Variants in NFIA observed in about 807,000 individuals in gnomAD.
NFIA encodes nuclear factor 1 A-type.
In NFIA, 8 loss-of-function variants were observed where a neutral mutation model predicts 62.8. The ratio of observed to expected loss-of-function variants is 0.13; its 90% CI spans 0.07 to 0.23. The LOEUF is 0.23. NFIA is among the 10% of genes least tolerant of loss of function. The pLI, the probability that NFIA is intolerant of heterozygous loss-of-function variation, is 1.00. For synonymous variants in NFIA, 235 were observed against 238.1 expected (o/e 0.99, Z 0.12); for missense variants, 410 against 642.1 (o/e 0.64, Z 3.91).
intron 10 of NFIA, among the ~76,000 whole-genome samples, chr1:61,442,918 GTCA>G (rs1215300878): frequency 6.6e-6 from 1 of 152,160 alleles, no homozygotes; most frequent in East Asian, 1.9e-4. Flanking sequence ...TCTGCAGAAC[GTCA>G]TCTAAATGGA....
At chr1:61,200,030 A>ACACATATATATG (rs1557631866) in intron 2 of NFIA, among the ~76,000 whole-genome samples, 1 of 42,886 alleles carries the variant, frequency 2.3e-5, no homozygotes, top group African/African-American at 1.1e-4. Context: ...ATATATATAT[A>ACACATATATATG]TATATATATA....
At chr1:61,449,767 T>A (rs1319611750) in intron 10 of NFIA, among the ~76,000 whole-genome samples, 1 of 152,238 alleles carries the variant, frequency 6.6e-6, no homozygotes, top group Non-Finnish European at 1.5e-5. Context: ...AAACAGACTT[T>A]CTTTAATTAA....
chr1:61,257,329 GTTTTTTTTTTTTT>G (rs67912567), intron 2 of NFIA, among the ~76,000 whole-genome samples: 1 of 54,696 alleles, frequency 1.8e-5, no homozygotes, highest in African/African-American at 6.7e-5. Context: ...TTACTGCGTT[GTTTTTTTTTTTTT>G]TTTTTTTTTT....
At chr1:61,229,034 CA>C (rs1356314159) in intron 2 of NFIA, among the ~76,000 whole-genome samples, 5 of 150,090 alleles carry the variant, frequency 3.3e-5, no homozygotes, top group East Asian at 2.0e-4. Context: ...ATATATTGCC[CA>C]AAAAAATACA....
Position 61,428,785 on chromosome 1 carries a change from C to T in NFIA, c.1512+2229C>T, listed in dbSNP as rs72915752. 9.4e-3 allele frequency among the ~76,000 whole-genome samples: 1,431 copies of T among 152,156 alleles called. 15 individuals are homozygous for T. The highest frequency in any genetic ancestry group is 0.032 in the African/African-American group (1,348 of 41,518). ...TTTAAAAACATAATTAGAACATGGTCGGCAGATTTCCTAGGCAAACTTGTG... is the reference window on the plus strand; with the variant it reads ...TTTAAAAACATAATTAGAACATGGTTGGCAGATTTCCTAGGCAAACTTGTG... On this transcript the variant is annotated intron_variant, in intron 10 of 10. Transcript: ENST00000403491.
At chr1:61,185,635 CT>C (rs755426214) in intron 2 of NFIA, among the ~76,000 whole-genome samples, 1,752 of 130,656 alleles carry the variant, frequency 0.013, 23 homozygotes, top group East Asian at 0.066. Flanking sequence ...TCTAACCCCA[CT>C]TTTTTTTTTT....
chr1:61,305,079 AAAGT>A (rs1659693046), intron 3 of NFIA, among the ~76,000 whole-genome samples: 1 of 152,184 alleles, frequency 6.6e-6, no homozygotes, highest in Non-Finnish European at 1.5e-5. Flanking sequence ...AGTGTAGTAT[AAAGT>A]AAGTCAGGGG....
At chr1:61,139,731 C>T (rs1042312211) in intron 2 of NFIA, among the ~76,000 whole-genome samples, 14 of 151,996 alleles carry the variant, frequency 9.2e-5, no homozygotes, top group South Asian at 4.1e-4. Context: ...AATTACACCC[C>T]GACAGATGTA....
rs1443697996 is a variant in NFIA at position 61,088,688 on chromosome 1, C to T, written c.559+8C>T. On this transcript the variant is annotated splice_region_variant and intron_variant, in intron 2 of 10. Coordinates refer to ENST00000403491, the MANE Select transcript of NFIA (RefSeq NM_001134673.4). The surrounding 1 kb of genome is among the most constrained non-coding windows in gnomAD (Gnocchi z 4.5). ...ACTTTGTGCATGCAGCAGGTAAGTG[C>T]GATGGTGAGAATTCCTCCCACTTTC... 7 of 1,601,092 alleles carry T rather than the reference C, an allele frequency of 4.4e-6. No individual in the cohort carries two copies. The highest frequency in any genetic ancestry group is 1.3e-5 in the African/African-American group (1 of 74,564).
In NFIA at chr1:61,183,760, G is replaced by A. The variant is rs1037159459; in HGVS notation, c.560-93760G>A. On this transcript the variant is annotated intron_variant, in intron 2 of 10. Transcript: ENST00000403491. ...CAACTGGTCAGGCCTGAGAGGGAGA[G>A]GGAGAGACCTCCGTGCCTTTTAGCC... Among the ~76,000 whole-genome samples the A allele has an allele frequency of 1.7e-4, 26 of 152,114 alleles. 1 individual carries two copies. Among genetic ancestry groups the A allele is most frequent in the Admixed American group, 6.6e-5 (1 of 15,264 alleles).
chr1:61,292,636 G>T (rs1658963215), intron 3 of NFIA, among the ~76,000 whole-genome samples: 1 of 152,156 alleles, frequency 6.6e-6, no homozygotes, highest in Non-Finnish European at 1.5e-5. Flanking sequence ...GGAGGCACAA[G>T]TGATAAAGGC....
chr1:61,428,275 G>C (rs142377239), intron 10 of NFIA, among the ~76,000 whole-genome samples: 8 of 152,056 alleles, frequency 5.3e-5, no homozygotes, highest in African/African-American at 1.9e-4. Context: ...CCCAGAATCT[G>C]AGTTTTCATA....
At chr1:61,107,718 T>A (rs1466432205) in intron 2 of NFIA, among the ~76,000 whole-genome samples, 3 of 151,788 alleles carry the variant, frequency 2.0e-5, no homozygotes, top group African/African-American at 7.2e-5. Context: ...TATTGCTTTT[T>A]TGTCTTGTTG....
At position 61,406,543 on chromosome 1, in the gene NFIA, GCCCCCCC is replaced by G; in HGVS notation, c.1255-11_1255-5del. 12 of 876,510 alleles carry G rather than the reference GCCCCCCC, an allele frequency of 1.4e-5. No homozygotes were observed. Among genetic ancestry groups the G allele is most frequent in the Non-Finnish European group, 1.5e-5 (10 of 653,602 alleles). 54.3% of individuals were successfully genotyped at this position (876,510 alleles called of 1,614,324 possible). A position where few individuals can be genotyped will look rare whatever the true frequency, so the allele number is the denominator to read the frequency against. ...TCTTTTTCTTGTACGTGTGTTTTCTGCCCCCCCCCCCCCCACAGCCCAATGGGAGCAG... is the reference window on the plus strand; with the variant it reads ...TCTTTTTCTTGTACGTGTGTTTTCTGCCCCCCCACAGCCCAATGGGAGCAG... On this transcript the variant is annotated splice_polypyrimidine_tract_variant and intron_variant, in intron 8 of 10. Coordinates refer to ENST00000403491, the MANE Select transcript of NFIA (RefSeq NM_001134673.4).
At chr1:61,276,904 C>G (rs559947092) in intron 2 of NFIA, among the ~76,000 whole-genome samples, 1 of 152,086 alleles carries the variant, frequency 6.6e-6, no homozygotes, top group Non-Finnish European at 1.5e-5. Flanking sequence ...TGCATCAGTA[C>G]AAGAAAAAAA....
chr1:61,426,503 G>A lies in NFIA; in HGVS notation c.1459G>A (p.Val487Ile), dbSNP rs528192346. ...TPSTSPANRFVSVGPRDPSFV... is the reference protein window; with the variant it reads ...TPSTSPANRFISVGPRDPSFV... ...CAGCACCTCCCCCGCAAACCGATTC[G>A]TCAGTGTTGGACCACGGGATCCAAG... The change falls in exon 10 of 11, where the codon GTC becomes ATC. Residue 487 changes from valine (V) to isoleucine (I), a missense_variant. Val to Ile is a conservative substitution (Grantham distance 29). Coordinates refer to ENST00000403491, the MANE Select transcript of NFIA (RefSeq NM_001134673.4). 2.5e-5 allele frequency: 39 copies of A among 1,551,956 alleles called. No homozygotes were observed. The Admixed American group carries it at 4.1e-4, about 16-fold the overall frequency.
chr1:61,271,629 G>T (rs1405045520), intron 2 of NFIA, among the ~76,000 whole-genome samples: 1 of 152,146 alleles, frequency 6.6e-6, no homozygotes, highest in Non-Finnish European at 1.5e-5. Flanking sequence ...CACAGACCTT[G>T]CTCCCTGTCT....
intron 7 of NFIA, among the ~76,000 whole-genome samples, chr1:61,397,648 C>T (rs1348655205): frequency 6.6e-6 from 1 of 152,138 alleles, no homozygotes; most frequent in Non-Finnish European, 1.5e-5. Context: ...TTCACAACAG[C>T]GCTATGAGGT....
At chr1:61,271,762 A>C (rs544785276) in intron 2 of NFIA, among the ~76,000 whole-genome samples, 1 of 152,374 alleles carries the variant, frequency 6.6e-6, no homozygotes, top group East Asian at 1.9e-4. Flanking sequence ...CTTACTCTGC[A>C]TACATTAATT....
Sources: gnomAD v4.1 joint callset for allele counts (sites outside exome capture counted in the v4.1 genomes callset) on GRCh38, gnomAD v4.1.1 for gene constraint, Gnocchi (gnomAD v3.1) non-coding constraint, MANE v1.5 for transcripts, NCBI Gene and HGNC (gene_info 2026-07-23, HGNC 2026-07-21) for gene names.